Variants in ANO3 observed in about 807,000 individuals in gnomAD.
ANO3 encodes the protein anoctamin 3.
Under a neutral mutation model 144.8 loss-of-function variants are expected in ANO3, and 99 were observed. That is an observed-to-expected ratio of 0.68 (90% confidence interval 0.58 to 0.81). ANO3 has a LOEUF of 0.81. Ranked by LOEUF, ANO3 falls within the 30% of genes least tolerant of loss-of-function variation. The pLI, the probability that ANO3 is intolerant of heterozygous loss-of-function variation, is 0.00. For missense variants in ANO3, 905 were observed against 1,202.2 expected, an observed-to-expected ratio of 0.75 and a Z score of 3.66; for synonymous variants, 414 against 392.6, an observed-to-expected ratio of 1.05 and a Z score of -0.64.
At chr11:26,435,624 A>T (rs1333047436) in intron 1 of ANO3, among the ~76,000 whole-genome samples, 2 of 151,776 alleles carry the variant, frequency 1.3e-5, no homozygotes, top group Admixed American at 6.6e-5. Flanking sequence ...CTTTTGTCTG[A>T]CTGTCTTCTT....
intron 5 of ANO3, among the ~76,000 whole-genome samples, chr11:26,509,984 A>T (rs1861595654): frequency 6.6e-6 from 1 of 151,940 alleles, no homozygotes; most frequent in African/African-American, 2.4e-5. Flanking sequence ...TCTTACAAAA[A>T]GTAGCTGGTC....
At chr11:26,639,077 T>G in intron 20 of ANO3, 67 bp from the exon 21 acceptor site, 1 of 1,052,762 alleles carries the variant, frequency 9.5e-7, no homozygotes, top group Non-Finnish European at 1.5e-6. Context: ...TACAATTTAA[T>G]GGTGGGCATG....
intron 7 of ANO3, among the ~76,000 whole-genome samples, chr11:26,527,479 A>G (rs902372418): frequency 1.3e-5 from 2 of 152,106 alleles, no homozygotes; most frequent in Admixed American, 1.3e-4. Flanking sequence ...TAAATAGAAA[A>G]GAAGTCTATA....
At chr11:26,505,496 G>C (rs1039724265) in intron 4 of ANO3, among the ~76,000 whole-genome samples, 6 of 152,146 alleles carry the variant, frequency 3.9e-5, no homozygotes, top group Non-Finnish European at 8.8e-5. Context: ...ATCACAAGGA[G>C]GGAGTATATA....
intron 1 of ANO3, among the ~76,000 whole-genome samples, chr11:26,212,172 C>T (rs1851948048): frequency 6.6e-6 from 1 of 151,828 alleles, no homozygotes; most frequent in Non-Finnish European, 1.5e-5. Flanking sequence ...CAAAACTGCA[C>T]ATTCTGCACA....
chr11:26,587,175 C>T (rs1158921674), intron 14 of ANO3, among the ~76,000 whole-genome samples: 1 of 152,108 alleles, frequency 6.6e-6, no homozygotes, highest in Non-Finnish European at 1.5e-5. Context: ...ACTATTTATG[C>T]CAGAGTAGAC....
chr11:26,592,990 C>T (rs980152881), intron 14 of ANO3, among the ~76,000 whole-genome samples: 2 of 151,982 alleles, frequency 1.3e-5, no homozygotes, highest in Non-Finnish European at 1.5e-5. Context: ...TGGAGGGTAC[C>T]GCCTTACAGT....
intron 26 of ANO3, among the ~76,000 whole-genome samples, chr11:26,659,099 C>CACAT (rs76897197): frequency 0.012 from 1,813 of 150,092 alleles, 38 homozygotes; most frequent in African/African-American, 0.041. Context: ...CACACACACA[C>CACAT]ATATATATAT....
chr11:26,548,937 G>C (rs1199066119), intron 12 of ANO3, among the ~76,000 whole-genome samples: 1 of 119,174 alleles, frequency 8.4e-6, no homozygotes, highest in Admixed American at 1.0e-4. Context: ...GTGGTTTAGA[G>C]TTACAATGAA....
chr11:26,197,409 C>T (rs961182227), intron 1 of ANO3, among the ~76,000 whole-genome samples: 5 of 152,034 alleles, frequency 3.3e-5, no homozygotes, highest in African/African-American at 1.2e-4. Flanking sequence ...AGTGCAGTGG[C>T]GCAATCTCGG....
intron 1 of ANO3, among the ~76,000 whole-genome samples, chr11:26,262,759 G>A (rs1853219809): frequency 6.7e-6 from 1 of 148,654 alleles, no homozygotes; most frequent in African/African-American, 2.4e-5. Flanking sequence ...GAGAGAGAGA[G>A]ATTCTCTTTC....
At chr11:26,324,536 G>A (rs967385922) in intron 1 of ANO3, among the ~76,000 whole-genome samples, 5 of 152,184 alleles carry the variant, frequency 3.3e-5, no homozygotes, top group African/African-American at 1.2e-4. Flanking sequence ...TTTTAAAAAT[G>A]AGCCCAAGCC....
chr11:26,387,381 CCTT>C (rs1856763786), intron 1 of ANO3, among the ~76,000 whole-genome samples: 1 of 151,786 alleles, frequency 6.6e-6, no homozygotes, highest in South Asian at 2.1e-4. Context: ...TTTCATCTTG[CCTT>C]CTATGTAATC....
chr11:26,305,532 A>G (rs1178628305), upstream of ANO3, among the ~76,000 whole-genome samples: 1 of 151,946 alleles, frequency 6.6e-6, no homozygotes, highest in East Asian at 1.9e-4. Context: ...GGGTTTTCAG[A>G]GGAATAGCAA....
chr11:26,428,051 C>G (rs1048040149), intron 1 of ANO3, among the ~76,000 whole-genome samples: 6 of 152,092 alleles, frequency 3.9e-5, no homozygotes, highest in Non-Finnish European at 8.8e-5. Context: ...GGGACACAAG[C>G]CATATCATAG....
intron 14 of ANO3, among the ~76,000 whole-genome samples, chr11:26,597,165 C>T (rs1042585398): frequency 6.6e-6 from 1 of 152,092 alleles, no homozygotes; most frequent in Non-Finnish European, 1.5e-5. Flanking sequence ...ACCGGCGGGT[C>T]TTTGTTCTTA....
chr11:26,272,071 A>G lies in ANO3; in HGVS notation c.155-37574A>G, dbSNP rs187265193. Among the ~76,000 whole-genome samples, 612 of 152,268 alleles carry G rather than the reference A, an allele frequency of 4.0e-3. 6 individuals are homozygous for G. Among genetic ancestry groups the G allele is most frequent in the Middle Eastern group, 0.01 (3 of 292 alleles). On this transcript the variant is annotated intron_variant, in intron 1 of 27. Coordinates refer to the ANO3 transcript ENST00000672621. ...TCTATTGAAAATGCCATGTGATGCT[A>G]ATCGTCTCCCGGTGAGCGGTTCCTC...
chr11:26,313,917 A>G (rs1388559468), intron 1 of ANO3, among the ~76,000 whole-genome samples: 1 of 147,194 alleles, frequency 6.8e-6, no homozygotes, highest in Non-Finnish European at 1.5e-5. Flanking sequence ...GTACCTAAAA[A>G]AGAAAGAGAT....
At chr11:26,584,318 C>G (rs924266843) in intron 14 of ANO3, among the ~76,000 whole-genome samples, 10 of 152,138 alleles carry the variant, frequency 6.6e-5, no homozygotes, top group African/African-American at 2.4e-4. Context: ...GCCACCATGC[C>G]CGGCTAATTT....
Sources: allele counts gnomAD v4.1 joint callset (sites outside exome capture counted in the v4.1 genomes callset), GRCh38; gene constraint gnomAD v4.1.1; transcripts MANE v1.5; gene names NCBI Gene and HGNC (gene_info 2026-07-23, HGNC 2026-07-21).